Variants in PLCB1 observed in about 807,000 individuals in gnomAD.
PLCB1 encodes phospholipase C beta 1, also known as 1-phosphatidylinositol 4,5-bisphosphate phosphodiesterase beta-1.
Under a neutral mutation model 161.8 loss-of-function variants are expected in PLCB1, and 46 were observed. The ratio of observed to expected loss-of-function variants is 0.28; its 90% CI spans 0.22 to 0.36. The LOEUF is 0.36. Ranked by LOEUF, PLCB1 falls within the 10% of genes least tolerant of loss-of-function variation. PLCB1 has a pLI of 1.00. For missense variants in PLCB1, 1,016 were observed against 1,472.5 expected (o/e 0.69, Z 5.07); for synonymous variants, 517 against 503.7 (o/e 1.03, Z -0.35).
At chr20:8,550,052 G>A (rs1490968543) in intron 3 of PLCB1, among the ~76,000 whole-genome samples, 2 of 152,158 alleles carry the variant, frequency 1.3e-5, no homozygotes, top group Admixed American at 1.3e-4. Flanking sequence ...CTTGGAACAG[G>A]TATATTTACC....
At chr20:8,351,384 C>G (rs1986171751) in intron 2 of PLCB1, among the ~76,000 whole-genome samples, 2 of 151,958 alleles carry the variant, frequency 1.3e-5, no homozygotes, top group Admixed American at 1.3e-4. Context: ...ACCAATTAAA[C>G]TTCTAGTAGA....
chr20:8,287,805 T>G (rs1431320504), intron 2 of PLCB1, among the ~76,000 whole-genome samples: 3 of 152,176 alleles, frequency 2.0e-5, no homozygotes, highest in Non-Finnish European at 2.9e-5. Flanking sequence ...ATGGGGCCAG[T>G]TAAAAACCTA....
In PLCB1 at chr20:8,776,726, TA is replaced by T. The variant is rs1000385971; in HGVS notation, c.3111+2010del. Among the ~76,000 whole-genome samples the T allele has an allele frequency of 4.9e-4, 74 of 152,298 alleles. 1 individual carries two copies. Among genetic ancestry groups the T allele is most frequent in the African/African-American group, 1.7e-3 (72 of 41,578 alleles). Reference sequence around the variant, plus strand: ...TAGACACCTGCTTGTTAAATATTTTTAAACAGTAGTAAATAAAAATAACAAT... The same window carrying T: ...TAGACACCTGCTTGTTAAATATTTTTAACAGTAGTAAATAAAAATAACAAT... On this transcript the variant is annotated intron_variant, in intron 27 of 31. Coordinates refer to ENST00000338037, the MANE Select transcript of PLCB1 (RefSeq NM_015192.4).
At chr20:8,626,298 C>G (rs192545388) in intron 3 of PLCB1, among the ~76,000 whole-genome samples, 4 of 151,996 alleles carry the variant, frequency 2.6e-5, no homozygotes, top group Non-Finnish European at 5.9e-5. Context: ...CCCAGAAGCT[C>G]TTTTCCAGAA....
At chr20:8,145,376 A>G (rs1394866709) in intron 1 of PLCB1, among the ~76,000 whole-genome samples, 2 of 152,176 alleles carry the variant, frequency 1.3e-5, no homozygotes, top group African/African-American at 4.8e-5. Flanking sequence ...CTATCTCTAA[A>G]TAAGATCACA....
intron 3 of PLCB1, among the ~76,000 whole-genome samples, chr20:8,532,035 G>T (rs1391736664): frequency 2.0e-5 from 3 of 151,750 alleles, no homozygotes; most frequent in Non-Finnish European, 4.4e-5. Flanking sequence ...CAAAGCTTAA[G>T]TAATGGTTAA....
intron 9 of PLCB1, among the ~76,000 whole-genome samples, chr20:8,682,436 G>A (rs894067259): frequency 6.6e-6 from 1 of 152,068 alleles, no homozygotes; most frequent in Non-Finnish European, 1.5e-5. Flanking sequence ...CAGGAGGAAG[G>A]TTTTTCTTTT....
At chr20:8,409,531 T>C (rs1978946692) in intron 3 of PLCB1, among the ~76,000 whole-genome samples, 1 of 151,858 alleles carries the variant, frequency 6.6e-6, no homozygotes, top group Non-Finnish European at 1.5e-5. Context: ...GGCATGGTCT[T>C]GGCTCACTGC....
chr20:8,732,054 T>C (rs571543253), intron 18 of PLCB1: 1 of 152,206 alleles, frequency 6.6e-6, no homozygotes, highest in South Asian at 2.1e-4. Flanking sequence ...ATGTATTCTT[T>C]CACTCTATCA....
chr20:8,592,380 G>C (rs1269643044), intron 3 of PLCB1, among the ~76,000 whole-genome samples: 1 of 152,172 alleles, frequency 6.6e-6, no homozygotes, highest in Non-Finnish European at 1.5e-5. Flanking sequence ...AGGCCTTTTT[G>C]ACATTTTCAA....
chr20:8,405,892 G>A (rs1383811383), intron 3 of PLCB1, among the ~76,000 whole-genome samples: 1 of 152,148 alleles, frequency 6.6e-6, no homozygotes, highest in African/African-American at 2.4e-5. Flanking sequence ...ATATAATGAT[G>A]CTACTGACAT....
rs1006572012 is a variant in PLCB1 at position 8,883,168 on chromosome 20, A to G, written c.*1319A>G. On this transcript the variant is annotated 3_prime_UTR_variant, in exon 32 of 32. Coordinates refer to ENST00000338037, the MANE Select transcript of PLCB1 (RefSeq NM_015192.4). ...AGTATCAGATTTTAAGCTTGTTTTA[A>G]TGGTCAAAAAATTAGGACAGAAATA... 2.0e-5 allele frequency: 3 copies of G among 152,180 alleles called. No individual in the cohort carries two copies. The highest frequency in any genetic ancestry group is 2.4e-5 in the African/African-American group (1 of 41,432). The allele number at this position is 152,180 out of a possible 1,614,324, so 9.4% of individuals were successfully genotyped here. A position where few individuals can be genotyped will look rare whatever the true frequency, so the allele number is the denominator to read the frequency against.
intron 2 of PLCB1, among the ~76,000 whole-genome samples, chr20:8,202,037 G>T (rs1479355170): frequency 6.6e-6 from 1 of 152,074 alleles, no homozygotes; most frequent in East Asian, 1.9e-4. Flanking sequence ...ATTCAGGAAG[G>T]CAGTATAGTT....
At chr20:8,663,881 C>T (rs1989746567) in intron 9 of PLCB1, among the ~76,000 whole-genome samples, 1 of 152,072 alleles carries the variant, frequency 6.6e-6, no homozygotes, top group Non-Finnish European at 1.5e-5. Flanking sequence ...ATCGTACTTT[C>T]AAGATCAGTG....
intron 23 of PLCB1, among the ~76,000 whole-genome samples, chr20:8,748,330 G>T (rs539278035): frequency 6.6e-6 from 1 of 152,230 alleles, no homozygotes; most frequent in African/African-American, 2.4e-5. Context: ...TGCTCATTAT[G>T]GTAGAGTGAT....
At chr20:8,843,164 T>C (rs1265861136) in intron 31 of PLCB1, among the ~76,000 whole-genome samples, 1 of 152,232 alleles carries the variant, frequency 6.6e-6, no homozygotes, top group African/African-American at 2.4e-5. Flanking sequence ...GTTTTTAAAA[T>C]ATTAGAAAAC....
intron 2 of PLCB1, among the ~76,000 whole-genome samples, chr20:8,194,651 G>T (rs1236983647): frequency 1.3e-5 from 2 of 151,956 alleles, no homozygotes; most frequent in Non-Finnish European, 2.9e-5. Flanking sequence ...TTATAGATTT[G>T]CAGGATGCTT....
At chr20:8,365,238 A>G (rs1355441066) in intron 2 of PLCB1, among the ~76,000 whole-genome samples, 1 of 152,230 alleles carries the variant, frequency 6.6e-6, no homozygotes. Flanking sequence ...TGCTACATTG[A>G]TAACAAGTGA....
intron 3 of PLCB1, among the ~76,000 whole-genome samples, chr20:8,405,828 T>C (rs1277772867): frequency 6.6e-6 from 1 of 152,186 alleles, no homozygotes; most frequent in Non-Finnish European, 1.5e-5. Context: ...TTTTTATTAT[T>C]ATCCATGTTC....
Sources: gnomAD v4.1 joint callset for allele counts (sites outside exome capture counted in the v4.1 genomes callset) on GRCh38, gnomAD v4.1.1 for gene constraint, MANE v1.5 for transcripts, NCBI Gene and HGNC (gene_info 2026-07-23, HGNC 2026-07-21) for gene names.